Variants in RAPGEF1 observed in about 807,000 individuals in gnomAD.
RAPGEF1 encodes the protein CRK SH3-binding GNRP.
Under a neutral mutation model 143.3 loss-of-function variants are expected in RAPGEF1, and 33 were observed. The observed-to-expected ratio is 0.23, with a 90% CI of 0.17 to 0.31. The LOEUF is 0.31. Ranked by LOEUF, RAPGEF1 falls within the 10% of genes least tolerant of loss-of-function variation. RAPGEF1 has a pLI of 1.00. For missense variants in RAPGEF1, 1,199 were observed against 1,645.4 expected, an observed-to-expected ratio of 0.73 and a Z score of 4.69; for synonymous variants, 629 against 676.5, an observed-to-expected ratio of 0.93 and a Z score of 1.09.
At position 131,604,951 on chromosome 9, in the gene RAPGEF1, C is replaced by T. The variant is rs748545871; in HGVS notation, c.2299G>A (p.Glu767Lys). The change falls in exon 13 of 27, where the codon GAA becomes AAA. Residue 767 changes from glutamate to lysine, a missense_variant. Physicochemically the swap from Glu to Lys is moderately conservative, Grantham distance 56. Around this residue, in one of 6 missense-constraint regions of RAPGEF1, gnomAD observed 293 missense variants for 356.2 expected, o/e 0.82. Coordinates refer to ENST00000683357, the MANE Select transcript of RAPGEF1 (RefSeq NM_001377935.1). ...FHGNTVCLPS[E>K]TSFTDSSENA... is the part of the protein sequence containing the mutation. ...CTCACCGAGTCAGTGAAAGAGGTTTCGGAAGGAAGGCAGACAGTATTCCCA... is the reference window on the plus strand; with the variant it reads ...CTCACCGAGTCAGTGAAAGAGGTTTTGGAAGGAAGGCAGACAGTATTCCCA... 9 of 1,306,316 alleles carry T rather than the reference C, an allele frequency of 6.9e-6. No individual in the cohort carries two copies. The highest frequency in any genetic ancestry group is 4.6e-5 in the African/African-American group (3 of 65,886). The allele number at this position is 1,306,316 out of a possible 1,614,324, so 80.9% of individuals were successfully genotyped here.
At chr9:131,622,295 C>G (rs1439585553) in intron 10 of RAPGEF1, among the ~76,000 whole-genome samples, 1 of 152,204 alleles carries the variant, frequency 6.6e-6, no homozygotes, top group Non-Finnish European at 1.5e-5. Flanking sequence ...TCAGCTACCT[C>G]CTGAGCAGGC....
At chr9:131,727,751 A>G (rs1363986810) in intron 1 of RAPGEF1, among the ~76,000 whole-genome samples, 2 of 152,174 alleles carry the variant, frequency 1.3e-5, no homozygotes, top group Non-Finnish European at 2.9e-5. Context: ...TCAAATATAA[A>G]AGCTTCATTC....
chr9:131,606,709 G>C (rs142458827), intron 12 of RAPGEF1, among the ~76,000 whole-genome samples: 116 of 152,194 alleles, frequency 7.6e-4, no homozygotes, highest in Non-Finnish European at 1.5e-3. Context: ...CTGCAGCCTC[G>C]ACCTCCTGGG....
intron 5 of RAPGEF1, among the ~76,000 whole-genome samples, chr9:131,635,786 C>CTACT (rs1189627229): frequency 6.6e-6 from 1 of 152,180 alleles, no homozygotes; most frequent in East Asian, 1.9e-4. Context: ...TTGCCACTGA[C>CTACT]TACTGCTCCA....
In RAPGEF1 at chr9:131,675,840, A is replaced by C. The variant is rs571748233; in HGVS notation, c.62-24891T>G. On this transcript the variant is annotated intron_variant, in intron 1 of 26. Coordinates refer to ENST00000683357, the MANE Select transcript of RAPGEF1 (RefSeq NM_001377935.1). The surrounding 1 kb of genome is among the most constrained non-coding windows in gnomAD (Gnocchi z 4.6). Reference sequence around the variant, plus strand: ...AAGAAACTAAAGCTCAGAGAAAAGAACTAGGTGCAAAGTCACAGCATGATT... The same window carrying C: ...AAGAAACTAAAGCTCAGAGAAAAGACCTAGGTGCAAAGTCACAGCATGATT... 2.0e-5 allele frequency among the ~76,000 whole-genome samples: 3 copies of C among 152,338 alleles called. No homozygotes were observed. Among genetic ancestry groups the C allele is most frequent in the East Asian group, 1.9e-4 (1 of 5,182 alleles).
intron 1 of RAPGEF1, among the ~76,000 whole-genome samples, chr9:131,704,529 C>T (rs2131149832): frequency 6.6e-6 from 1 of 152,208 alleles, no homozygotes; most frequent in East Asian, 1.9e-4. Flanking sequence ...CATTCGCTCA[C>T]ACCCACACTG....
chr9:131,628,182 T>C lies in RAPGEF1; in HGVS notation c.1018-86A>G, dbSNP rs1963823736. Reference sequence around the variant, plus strand: ...GGGTGAGGCAACCGGTGCATTTACTTAGAGAAGGAAATACTGCCAGGCGAA... The same window carrying C: ...GGGTGAGGCAACCGGTGCATTTACTCAGAGAAGGAAATACTGCCAGGCGAA... On this transcript the variant is annotated intron_variant, in intron 8 of 26. Transcript: ENST00000683357. The surrounding 1 kb of genome is among the most constrained non-coding windows in gnomAD (Gnocchi z 5.7). 2.4e-6 allele frequency: 3 copies of C among 1,272,430 alleles called. No individual in the cohort carries two copies. The South Asian group carries it at 4.7e-5, about 20-fold the overall frequency. 78.8% of individuals were successfully genotyped at this position (1,272,430 alleles called of 1,614,324 possible). A position where few individuals can be genotyped will look rare whatever the true frequency, so the allele number is the denominator to read the frequency against.
chr9:131,620,788 T>C (rs1469464899), intron 11 of RAPGEF1, among the ~76,000 whole-genome samples: 1 of 152,210 alleles, frequency 6.6e-6, no homozygotes, highest in Admixed American at 6.5e-5. Context: ...TGATTGATTA[T>C]ACGGAGTAAT....
rs942129418 is a variant in RAPGEF1 at position 131,605,146 on chromosome 9, G to A, written c.2104C>T (p.His702Tyr). Residue 702 changes from histidine to tyrosine, a missense_variant, in exon 13 of 27, where the codon CAC becomes TAC. Physicochemically the swap from His to Tyr is moderately conservative, Grantham distance 83. Transcript: ENST00000683357. ...FRSYSQDFVP[H>Y]HQASVPPFLP... ...AAAGGCGGAACGGAAGCTTGGTGGTGAGGCACGAAATCCTGGGAGTAGGAC... is the reference window on the plus strand; with the variant it reads ...AAAGGCGGAACGGAAGCTTGGTGGTAAGGCACGAAATCCTGGGAGTAGGAC... 7.3e-7 allele frequency: 1 copy of A among 1,362,080 alleles called. No homozygotes were observed. The allele number at this position is 1,362,080 out of a possible 1,614,324, so 84.4% of individuals were successfully genotyped here.
chr9:131,621,161 G>A lies in RAPGEF1; in HGVS notation c.1905+635C>T, dbSNP rs1474137661. Among the ~76,000 whole-genome samples, 1 of 152,246 alleles carries A rather than the reference G, an allele frequency of 6.6e-6. No homozygotes were observed. Among genetic ancestry groups the A allele is most frequent in the African/African-American group, 2.4e-5 (1 of 41,470 alleles). On this transcript the variant is annotated intron_variant, in intron 11 of 26. Coordinates refer to ENST00000683357, the MANE Select transcript of RAPGEF1 (RefSeq NM_001377935.1). This position sits in a 1 kb window ranked among gnomAD's most constrained non-coding sequence, Gnocchi z 4.5. ...CTGGGCAGTTCCAGAGCCTCATGGG[G>A]TGCCCACGGTGGAACAGCTTGCCTT...
At position 131,670,289 on chromosome 9, in the gene RAPGEF1, C is replaced by T. The variant is rs532272776; in HGVS notation, c.62-19340G>A. 2.0e-5 allele frequency among the ~76,000 whole-genome samples: 3 copies of T among 152,316 alleles called. No homozygotes were observed. In the East Asian group the frequency reaches 5.8e-4, roughly 29 times the overall value. The stretch of plus-strand genomic sequence containing the variant: ...CCCTAGAGGACTTTTCTTATTTCCT[C>T]TGGGTCAGTGTTCCACTTAAGTCAG... On this transcript the variant is annotated intron_variant, in intron 1 of 26. Transcript: ENST00000683357.
chr9:131,693,999 G>C (rs1235548708), intron 1 of RAPGEF1, among the ~76,000 whole-genome samples: 3 of 151,814 alleles, frequency 2.0e-5, no homozygotes, highest in Admixed American at 2.0e-4. Flanking sequence ...TTGAGACTGA[G>C]TTTAAGTGTT....
In RAPGEF1 at chr9:131,625,984, G is replaced by A. The variant is rs763837636; in HGVS notation, c.1640C>T (p.Ala547Val). 6.2e-7 allele frequency: 1 copy of A among 1,607,840 alleles called. No homozygotes were observed. Among genetic ancestry groups the A allele is most frequent in the East Asian group, 2.2e-5 (1 of 44,698 alleles). ...TTCTGGGTCACCGGTTGACTCAGGAGCAGTAAAATCACCCACAAATTCGAC... is the reference window on the plus strand; with the variant it reads ...TTCTGGGTCACCGGTTGACTCAGGAACAGTAAAATCACCCACAAATTCGAC... ...APVEFVGDFT[A>V]PESTGDPEKP... The change falls in exon 10 of 27, where the codon GCT (alanine) becomes GTT (valine). Residue 547 changes from alanine (A) to valine (V), a missense_variant. By Grantham distance (64) the Ala-to-Val change is moderately conservative. This residue lies in a region of RAPGEF1 where 613 missense variants were observed against 710.9 expected (regional missense o/e 0.86). Transcript: ENST00000683357.
intron 9 of RAPGEF1, among the ~76,000 whole-genome samples, chr9:131,627,000 C>T (rs1648183525): frequency 3.4e-5 from 1 of 29,268 alleles, no homozygotes; most frequent in Non-Finnish European, 6.1e-5. Context: ...GGGCAGATCA[C>T]CTAGAGTTCA....
At chr9:131,637,180 G>A (rs1056218603) in intron 5 of RAPGEF1, among the ~76,000 whole-genome samples, 11 of 151,080 alleles carry the variant, frequency 7.3e-5, no homozygotes, top group African/African-American at 1.7e-4. Context: ...AGCCGAGATC[G>A]CACCACTGCA....
Position 131,654,218 on chromosome 9 carries a change from T to C in RAPGEF1, c.62-3269A>G, listed in dbSNP as rs189244090. Among the ~76,000 whole-genome samples, 737 of 152,056 alleles carry C rather than the reference T, an allele frequency of 4.8e-3. 4 individuals carry two copies. The highest frequency in any genetic ancestry group is 8.1e-3 in the Non-Finnish European group (553 of 67,978). On this transcript the variant is annotated intron_variant, in intron 1 of 26. Transcript: ENST00000683357. ...AAATTAGAATATGGTGATGGTTGTATAGCCCAGTGAATTACTAGAAAAAAA... is the reference window on the plus strand; with the variant it reads ...AAATTAGAATATGGTGATGGTTGTACAGCCCAGTGAATTACTAGAAAAAAA...
At chr9:131,620,236 G>C (rs1454253196) in intron 11 of RAPGEF1, among the ~76,000 whole-genome samples, 1 of 151,654 alleles carries the variant, frequency 6.6e-6, no homozygotes, top group Admixed American at 6.6e-5. Flanking sequence ...ATGGCAAATG[G>C]GCCGAAAATA....
At chr9:131,660,749 C>A (rs145123088) in intron 1 of RAPGEF1, among the ~76,000 whole-genome samples, 1 of 152,284 alleles carries the variant, frequency 6.6e-6, no homozygotes, top group South Asian at 2.1e-4. Flanking sequence ...AGAGTGGGGC[C>A]CTGGATGGAG....
intron 1 of RAPGEF1, among the ~76,000 whole-genome samples, chr9:131,690,580 A>T (rs529486978): frequency 6.6e-6 from 1 of 152,238 alleles, no homozygotes; most frequent in South Asian, 2.1e-4. Flanking sequence ...GGCAGATCGC[A>T]TATAGCCTAG....
Sources: gnomAD v4.1 joint callset for allele counts (sites outside exome capture counted in the v4.1 genomes callset) on GRCh38, gnomAD v4.1.1 for gene constraint, gnomAD v4.1.1 regional missense constraint, Gnocchi (gnomAD v3.1) non-coding constraint, MANE v1.5 for transcripts, NCBI Gene and HGNC (gene_info 2026-07-23, HGNC 2026-07-21) for gene names.